The following TRIM33 variants were observed in gnomAD, a reference collection of about 807,000 sequenced individuals.
TRIM33 encodes E3 ubiquitin-protein ligase TRIM33.
TRIM33 carries 20 observed loss-of-function variants against 125.4 expected under a neutral mutation model. The observed-to-expected ratio is 0.16, with a 90% CI of 0.11 to 0.23. The LOEUF is 0.23. Among genes scored for constraint, TRIM33 ranks in the 10% least tolerant of loss-of-function variants. TRIM33 has a pLI of 1.00. For synonymous variants in TRIM33, 564 were observed against 513.9 expected (o/e 1.10, Z -1.32); for missense variants, 920 against 1,411.4 (o/e 0.65, Z 5.58).
At chr1:114,448,319 T>C (rs768296156) in intron 4 of TRIM33, among the ~76,000 whole-genome samples, 3 of 152,200 alleles carry the variant, frequency 2.0e-5, no homozygotes, top group Non-Finnish European at 2.9e-5. Flanking sequence ...TAGTTCTCTT[T>C]TGATAGCTTC....
intron 1 of TRIM33, among the ~76,000 whole-genome samples, chr1:114,475,551 C>T (rs1375279428): frequency 2.0e-5 from 3 of 152,194 alleles, no homozygotes; most frequent in Non-Finnish European, 2.9e-5. Context: ...GGCGTGGTGA[C>T]GGGCACCTGT....
At chr1:114,473,927 T>C (rs549563849) in intron 1 of TRIM33, among the ~76,000 whole-genome samples, 253 of 152,264 alleles carry the variant, frequency 1.7e-3, no homozygotes, top group African/African-American at 5.7e-3. Context: ...ACTTTAATTT[T>C]TCCAGATATA....
chr1:114,423,471 T>C (rs892841570), intron 10 of TRIM33, among the ~76,000 whole-genome samples: 1 of 152,160 alleles, frequency 6.6e-6, no homozygotes, highest in South Asian at 2.1e-4. Flanking sequence ...CAATATGCTA[T>C]AAAGTACAGC....
In TRIM33 at chr1:114,425,431, T is replaced by C. The variant is rs756019622; in HGVS notation, c.1695+18A>G. ...GGCTTCATAATTTCTATCAATAATG[T>C]AGTAACACGATACTTACCTGTTGTT... On this transcript the variant is annotated intron_variant, in intron 9 of 19. Coordinates refer to ENST00000358465, the MANE Select transcript of TRIM33 (RefSeq NM_015906.4). 6.2e-7 allele frequency: 1 copy of C among 1,611,756 alleles called. No individual in the cohort carries two copies. The highest frequency in any genetic ancestry group is 8.5e-7 in the Non-Finnish European group (1 of 1,178,692).
chr1:114,465,812 C>T (rs887153367), intron 1 of TRIM33, among the ~76,000 whole-genome samples: 20 of 151,842 alleles, frequency 1.3e-4, no homozygotes, highest in Admixed American at 6.6e-5. Context: ...GAGGCCGAGG[C>T]GGGCGGATCA....
chr1:114,463,693 A>T, intron 2 of TRIM33, 137 bp from the exon 3 acceptor site: 1 of 602,932 alleles, frequency 1.7e-6, no homozygotes, highest in Non-Finnish European at 2.8e-6. Flanking sequence ...ATCTTCAACA[A>T]AATCCTTTTC....
chr1:114,493,108 G>C (rs1420455518), intron 1 of TRIM33, among the ~76,000 whole-genome samples: 2 of 152,110 alleles, frequency 1.3e-5, no homozygotes, highest in Admixed American at 1.3e-4. Flanking sequence ...GGTGTGAAGT[G>C]GTATCTCCTT....
Position 114,510,836 on chromosome 1 carries a change from G to C in TRIM33, c.241C>G (p.Pro81Ala). 1.3e-6 allele frequency: 2 copies of C among 1,517,826 alleles called. No individual in the cohort carries two copies. Among genetic ancestry groups the C allele is most frequent in the Non-Finnish European group, 8.8e-7 (1 of 1,140,066 alleles). 94.0% of individuals were successfully genotyped at this position (1,517,826 alleles called of 1,614,324 possible). ...ACTCCAGTGCCCACTGAGGCCGCAGGAGATGAAGCAGCCTGGGCCGAGCCC... is the reference window on the plus strand; with the variant it reads ...ACTCCAGTGCCCACTGAGGCCGCAGCAGATGAAGCAGCCTGGGCCGAGCCC... ...SSGSAQAASS[P>A]AASVGTGVAG... Residue 81 changes from proline (P) to alanine (A), a missense_variant, in exon 1 of 20, where the codon CCT (proline) becomes GCT (alanine). Around this residue, in one of 8 missense-constraint regions of TRIM33, gnomAD observed 233 missense variants for 189.6 expected, o/e 1.23. Transcript: ENST00000358465.
intron 4 of TRIM33, among the ~76,000 whole-genome samples, chr1:114,457,112 TAAA>T (rs1399418562): frequency 1.3e-5 from 2 of 152,152 alleles, no homozygotes; most frequent in African/African-American, 4.8e-5. Context: ...CTCCTATCAA[TAAA>T]ACTCCCAAAA....
chr1:114,455,353 T>A (rs1407091147), intron 4 of TRIM33, among the ~76,000 whole-genome samples: 1 of 152,190 alleles, frequency 6.6e-6, no homozygotes, highest in Non-Finnish European at 1.5e-5. Context: ...GAGATGACTA[T>A]GAGTGACATG....
chr1:114,421,411 A>G (rs770016031), intron 11 of TRIM33, 25 bp downstream of exon 11: 8 of 1,583,368 alleles, frequency 5.1e-6, no homozygotes, highest in Non-Finnish European at 6.1e-6. Flanking sequence ...AGTTTAATGA[A>G]GCCTCATTCA....
intron 4 of TRIM33, among the ~76,000 whole-genome samples, chr1:114,444,354 G>C (rs1648845795): frequency 1.3e-5 from 2 of 152,206 alleles, no homozygotes; most frequent in African/African-American, 2.4e-5. Flanking sequence ...TTGCTATAAA[G>C]TTGACACTGG....
At position 114,510,832 on chromosome 1, in the gene TRIM33, G is replaced by A; in HGVS notation, c.245C>T (p.Ala82Val). The stretch of plus-strand genomic sequence containing the variant: ...GGCAACTCCAGTGCCCACTGAGGCC[G>A]CAGGAGATGAAGCAGCCTGGGCCGA... ...SGSAQAASSP[A>V]ASVGTGVAGG... The change falls in exon 1 of 20, where the codon GCG (alanine) becomes GTG (valine). Residue 82 changes from alanine (A) to valine (V), a missense_variant. This residue lies in a region of TRIM33 where 233 missense variants were observed against 189.6 expected (regional missense o/e 1.23). Coordinates refer to ENST00000358465, the MANE Select transcript of TRIM33 (RefSeq NM_015906.4). 1 of 1,517,634 alleles carries A rather than the reference G, an allele frequency of 6.6e-7. No individual in the cohort carries two copies. Among genetic ancestry groups the A allele is most frequent in the Non-Finnish European group, 8.8e-7 (1 of 1,139,900 alleles). The allele number at this position is 1,517,634 out of a possible 1,614,324, so 94.0% of individuals were successfully genotyped here. A position where few individuals can be genotyped will look rare whatever the true frequency, so the allele number is the denominator to read the frequency against.
chr1:114,420,471 G>A, intron 11 of TRIM33: 1 of 1,277,874 alleles, frequency 7.8e-7, no homozygotes, highest in Non-Finnish European at 1.0e-6. Flanking sequence ...GTGTAGAAAG[G>A]GAGTAACTAG....
rs1442506441 is a variant in TRIM33 at position 114,490,103 on chromosome 1, AAG to A, written c.526+20446_526+20447del. ...CCGTCTCAAAAAAAAAAAAAAAAAA[AAG>A]AAAAGGAAAGGAAAGAAAAAAGAAA... On this transcript the variant is annotated intron_variant, in intron 1 of 19. Coordinates refer to ENST00000358465, the MANE Select transcript of TRIM33 (RefSeq NM_015906.4). 4.2e-3 allele frequency among the ~76,000 whole-genome samples: 595 copies of A among 140,916 alleles called. 33 individuals are homozygous for A. Among genetic ancestry groups the A allele is most frequent in the African/African-American group, 0.015 (556 of 38,304 alleles). 92.4% of individuals were successfully genotyped at this position (140,916 alleles called of 152,430 possible). A position where few individuals can be genotyped will look rare whatever the true frequency, so the allele number is the denominator to read the frequency against.
intron 1 of TRIM33, among the ~76,000 whole-genome samples, chr1:114,475,446 C>T (rs1254663011): frequency 6.6e-6 from 1 of 152,158 alleles, no homozygotes; most frequent in Non-Finnish European, 1.5e-5. Context: ...CTTTGGGAGG[C>T]CAAGGCAAGA....
intron 11 of TRIM33, 105 bp downstream of exon 11, chr1:114,421,331 A>C: frequency 2.7e-6 from 3 of 1,094,078 alleles, no homozygotes; most frequent in Non-Finnish European, 4.0e-6. Context: ...AGAAATTTCA[A>C]GGAAATGTTG....
At position 114,394,150 on chromosome 1, in the gene TRIM33, G is replaced by C. The variant is rs1651419703; in HGVS notation, c.*3498C>G. Reference sequence around the variant, plus strand: ...TGAATTAAGAATCTGTTTTAACTAAGGGAGTTGGGTGCGTGGATTTTTTAT... The same window carrying C: ...TGAATTAAGAATCTGTTTTAACTAACGGAGTTGGGTGCGTGGATTTTTTAT... On this transcript the variant is annotated 3_prime_UTR_variant, in exon 20 of 20. Transcript: ENST00000358465. The C allele has an allele frequency of 4.4e-6, 1 of 228,946 alleles. No individual in the cohort carries two copies. Among genetic ancestry groups the C allele is most frequent in the African/African-American group, 2.2e-5 (1 of 45,096 alleles). The allele number at this position is 228,946 out of a possible 1,614,324, so 14.2% of individuals were successfully genotyped here.
intron 4 of TRIM33, among the ~76,000 whole-genome samples, chr1:114,461,301 ATATTT>A (rs1422619636): frequency 6.9e-6 from 1 of 145,352 alleles, no homozygotes; most frequent in Non-Finnish European, 1.5e-5. Context: ...TTTATATATT[ATATTT>A]TATATTTTAT....
Sources: allele counts gnomAD v4.1 joint callset (sites outside exome capture counted in the v4.1 genomes callset), GRCh38; gene constraint gnomAD v4.1.1; regional missense constraint gnomAD v4.1.1; transcripts MANE v1.5; gene names NCBI Gene and HGNC (gene_info 2026-07-23, HGNC 2026-07-21).